The following RNF185 variants were observed in gnomAD, a reference collection of about 807,000 sequenced individuals.
RNF185 encodes the protein E3 ubiquitin-protein ligase RNF185.
In RNF185, 13 loss-of-function variants were observed where a neutral mutation model predicts 24.9. The observed-to-expected ratio is 0.52, with a 90% CI of 0.34 to 0.83. RNF185 has a LOEUF of 0.83. RNF185 is among the 40% of genes least tolerant of loss of function. RNF185 has a pLI of 0.01. For synonymous variants in RNF185, 79 were observed against 90.3 expected, an observed-to-expected ratio of 0.88 and a Z score of 0.71; for missense variants, 184 against 244.7, an observed-to-expected ratio of 0.75 and a Z score of 1.65.
chr22:31,192,663 T>G, intron 2 of RNF185, 21 bp from the exon 3 acceptor site: 1 of 1,612,616 alleles, frequency 6.2e-7, no homozygotes, highest in Non-Finnish European at 8.5e-7. Flanking sequence ...TGATGACTGG[T>G]TGCCCTGGGG....
chr22:31,192,854 C>T, intron 3 of RNF185, 152 bp downstream of exon 3: 5 of 671,544 alleles, frequency 7.4e-6, no homozygotes, highest in Non-Finnish European at 1.3e-5. Flanking sequence ...CATACCTGTC[C>T]ACTGACAGAC....
At chr22:31,181,206 A>T (rs2048032915) in intron 1 of RNF185, among the ~76,000 whole-genome samples, 1 of 151,806 alleles carries the variant, frequency 6.6e-6, no homozygotes, top group African/African-American at 2.4e-5. Context: ...TTAGCTGAGC[A>T]TGGTGGTGTG....
rs1322484546 is a variant in RNF185, at chr22:31,205,519, C to T, written c.*933C>T. ...AGCCCTGTCCCCTAGGCTGCAGAAG[C>T]TTGAATGCATCCTCTCCCAGAACCT... is the stretch of plus-strand genomic sequence containing the variant. On this transcript the variant is annotated 3_prime_UTR_variant, in exon 7 of 7. Coordinates refer to ENST00000326132, the MANE Select transcript of RNF185 (RefSeq NM_152267.4). 6.6e-6 allele frequency: 1 copy of T among 152,176 alleles called. No homozygotes were observed. The highest frequency in any genetic ancestry group is 1.5e-5 in the Non-Finnish European group (1 of 68,018). 9.4% of individuals were successfully genotyped at this position (152,176 alleles called of 1,614,324 possible).
chr22:31,191,411 A>G (rs895453865), intron 2 of RNF185, among the ~76,000 whole-genome samples: 1 of 152,270 alleles, frequency 6.6e-6, no homozygotes, highest in Non-Finnish European at 1.5e-5. Flanking sequence ...CTTTGAGTTC[A>G]AAGTGTACTC....
chr22:31,173,416 G>GACAC (rs55812227), intron 1 of RNF185, among the ~76,000 whole-genome samples: 4,688 of 146,820 alleles, frequency 0.032, 97 homozygotes, highest in Middle Eastern at 0.079. Flanking sequence ...CACACACACA[G>GACAC]ACACACACAC....
At chr22:31,196,228 C>T (rs1174336092) in intron 4 of RNF185, among the ~76,000 whole-genome samples, 1 of 152,170 alleles carries the variant, frequency 6.6e-6, no homozygotes, top group Non-Finnish European at 1.5e-5. Flanking sequence ...AACTTCTACT[C>T]ATCTCTTATG....
intron 1 of RNF185, among the ~76,000 whole-genome samples, chr22:31,168,695 G>C (rs1415112873): frequency 6.6e-6 from 1 of 152,046 alleles, no homozygotes; most frequent in Non-Finnish European, 1.5e-5. Flanking sequence ...AGAGCACAGG[G>C]GTTCTATTTC....
intron 1 of RNF185, among the ~76,000 whole-genome samples, chr22:31,184,916 C>G (rs967793935): frequency 5.0e-5 from 5 of 100,400 alleles, no homozygotes; most frequent in East Asian, 3.0e-4. Flanking sequence ...AAAGGGGAGA[C>G]GAGGACCGTG....
chr22:31,176,491 C>CT (rs1231883999), intron 1 of RNF185, among the ~76,000 whole-genome samples: 7,178 of 132,662 alleles, frequency 0.054, 176 homozygotes, highest in Non-Finnish European at 0.068. Flanking sequence ...TTTTCTTTTT[C>CT]TTTTTTTTTT....
Position 31,187,087 on chromosome 22 carries a change from A to T in RNF185, c.-8A>T. The T allele has an allele frequency of 6.2e-7, 1 of 1,601,820 alleles. No individual in the cohort carries two copies. Among genetic ancestry groups the T allele is most frequent in the Admixed American group, 1.8e-5 (1 of 56,096 alleles). On this transcript the variant is annotated 5_prime_UTR_variant, in exon 2 of 7. Coordinates refer to ENST00000326132, the MANE Select transcript of RNF185 (RefSeq NM_152267.4). The stretch of plus-strand genomic sequence containing the variant: ...AGTCTTCACTCAGAGCTTCGCTGAC[A>T]GCCAAGGATGGCAAGCAAGGGGCCC...
intron 3 of RNF185, among the ~76,000 whole-genome samples, chr22:31,193,796 G>GA (rs1568970822): frequency 5.3e-5 from 2 of 37,714 alleles, no homozygotes; most frequent in Non-Finnish European, 4.2e-5. Flanking sequence ...TCTGTTTCGA[G>GA]AAAAAAAACC....
At chr22:31,180,375 G>T (rs1478659849) in intron 1 of RNF185, among the ~76,000 whole-genome samples, 1 of 151,842 alleles carries the variant, frequency 6.6e-6, no homozygotes, top group Non-Finnish European at 1.5e-5. Context: ...GAGGCAGGGA[G>T]AATTGCTTGA....
Position 31,195,600 on chromosome 22 carries a change from T to C in RNF185, c.308+19T>C, listed in dbSNP as rs1319498845. 1.9e-5 allele frequency: 29 copies of C among 1,492,742 alleles called. No homozygotes were observed. Among genetic ancestry groups the C allele is most frequent in the Non-Finnish European group, 2.7e-5 (29 of 1,083,640 alleles). The allele number at this position is 1,492,742 out of a possible 1,614,324, so 92.5% of individuals were successfully genotyped here. A position where few individuals can be genotyped will look rare whatever the true frequency, so the allele number is the denominator to read the frequency against. ...ACCCCAGGTGAGGACTCAGGATGCCTCTCCCAACCACTTCTCCCCTTGGAT... is the reference window on the plus strand; with the variant it reads ...ACCCCAGGTGAGGACTCAGGATGCCCCTCCCAACCACTTCTCCCCTTGGAT... On this transcript the variant is annotated intron_variant, in intron 4 of 6. Transcript: ENST00000326132.
intron 6 of RNF185, among the ~76,000 whole-genome samples, chr22:31,202,212 C>T (rs1412673910): frequency 2.6e-5 from 4 of 152,062 alleles, no homozygotes; most frequent in South Asian, 2.1e-4. Context: ...CATCCGCATT[C>T]GGTATAGAGC....
At chr22:31,203,086 C>T (rs926859535) in intron 6 of RNF185, among the ~76,000 whole-genome samples, 4 of 152,194 alleles carry the variant, frequency 2.6e-5, no homozygotes, top group African/African-American at 4.8e-5. Context: ...CTAACCTGGT[C>T]GAAGGCTAAC....
Position 31,187,035 on chromosome 22 carries a change from T to C in RNF185, c.-48-12T>C. On this transcript the variant is annotated splice_polypyrimidine_tract_variant and intron_variant, in intron 1 of 6. Coordinates refer to ENST00000326132, the MANE Select transcript of RNF185 (RefSeq NM_152267.4). ...TGCAGAAATGGACAGTCAAGAGTTC[T>C]CTGCCTTTTAGGATTTCCCTGGGGA... The C allele has an allele frequency of 6.5e-7, 1 of 1,543,294 alleles. No homozygotes were observed. Among genetic ancestry groups the C allele is most frequent in the East Asian group, 2.3e-5 (1 of 43,816 alleles).
intron 1 of RNF185, among the ~76,000 whole-genome samples, chr22:31,186,807 T>C (rs2048103573): frequency 6.6e-6 from 1 of 152,200 alleles, no homozygotes; most frequent in African/African-American, 2.4e-5. Context: ...GAGGCTGCTC[T>C]GTATTTGGTG....
chr22:31,190,118 A>G (rs143837561), intron 2 of RNF185, among the ~76,000 whole-genome samples: 122 of 152,360 alleles, frequency 8.0e-4, no homozygotes, highest in African/African-American at 2.5e-3. Flanking sequence ...CGTGGCACAC[A>G]GTACAGTCAT....
chr22:31,204,120 G>A (rs1378268425), intron 6 of RNF185, among the ~76,000 whole-genome samples: 6 of 151,036 alleles, frequency 4.0e-5, no homozygotes, highest in African/African-American at 9.7e-5. Flanking sequence ...TGAGGCAGGC[G>A]GATCACAAGG....
Sources: allele counts gnomAD v4.1 joint callset (sites outside exome capture counted in the v4.1 genomes callset), GRCh38; gene constraint gnomAD v4.1.1; transcripts MANE v1.5; gene names NCBI Gene and HGNC (gene_info 2026-07-23, HGNC 2026-07-21).